MDGA2: variants seen among roughly 807,000 people sequenced by gnomAD.
MDGA2 encodes the protein MAM domain containing glycosylphosphatidylinositol anchor 2.
In MDGA2, 40 loss-of-function variants were observed where a neutral mutation model predicts 117.8. That is an observed-to-expected ratio of 0.34 (90% CI 0.26 to 0.44). MDGA2 has a LOEUF of 0.44. Among genes scored for constraint, MDGA2 ranks in the 20% least tolerant of loss-of-function variants. The pLI is 1.00. For synonymous variants in MDGA2, 452 were observed against 439.0 expected (o/e 1.03, Z -0.37); for missense variants, 1,123 against 1,250.6 (o/e 0.90, Z 1.54).
At chr14:47,574,369 T>G (rs1233534310) in intron 1 of MDGA2, among the ~76,000 whole-genome samples, 2 of 152,200 alleles carry the variant, frequency 1.3e-5, no homozygotes, top group Admixed American at 6.5e-5. Context: ...TCTCCTGGGT[T>G]CCTGGGCTTG....
intron 1 of MDGA2, among the ~76,000 whole-genome samples, chr14:47,349,959 T>A (rs1026148444): frequency 5.3e-5 from 8 of 152,192 alleles, no homozygotes; most frequent in African/African-American, 1.9e-4. Flanking sequence ...ATCAGATACA[T>A]CCATTTCTCG....
At chr14:47,524,043 C>T (rs1646400986) in intron 1 of MDGA2, among the ~76,000 whole-genome samples, 1 of 152,140 alleles carries the variant, frequency 6.6e-6, no homozygotes, top group Non-Finnish European at 1.5e-5. Context: ...TTTATTTCCT[C>T]CTCCAGTTTA....
intron 2 of MDGA2, among the ~76,000 whole-genome samples, chr14:47,256,864 G>T (rs1887637716): frequency 6.7e-6 from 1 of 149,882 alleles, no homozygotes; most frequent in South Asian, 2.1e-4. Flanking sequence ...CAGAGAGGGA[G>T]AGAGAAAGGA....
chr14:47,223,263 C>T (rs549595246), intron 2 of MDGA2, among the ~76,000 whole-genome samples: 110 of 152,202 alleles, frequency 7.2e-4, no homozygotes, highest in African/African-American at 2.2e-3. Flanking sequence ...CAAACCATAT[C>T]AACAGTGAAA....
intron 2 of MDGA2, among the ~76,000 whole-genome samples, chr14:47,254,971 T>C (rs1887568546): frequency 6.6e-6 from 1 of 152,074 alleles, no homozygotes; most frequent in Non-Finnish European, 1.5e-5. Context: ...CTTATAAGGA[T>C]TTACTGACTA....
intron 2 of MDGA2, among the ~76,000 whole-genome samples, chr14:47,290,329 T>C (rs1004806221): frequency 2.0e-5 from 3 of 151,900 alleles, no homozygotes; most frequent in Non-Finnish European, 4.4e-5. Flanking sequence ...GAGATTAAAA[T>C]AAAAAGGAGA....
intron 1 of MDGA2, among the ~76,000 whole-genome samples, chr14:47,325,840 T>C (rs1890126101): frequency 6.6e-6 from 1 of 152,064 alleles, no homozygotes; most frequent in African/African-American, 2.4e-5. Context: ...AGAGCCATAG[T>C]TGGTTTTAGA....
At chr14:47,246,015 T>C (rs959398000) in intron 2 of MDGA2, among the ~76,000 whole-genome samples, 1 of 151,982 alleles carries the variant, frequency 6.6e-6, no homozygotes, top group South Asian at 2.1e-4. Flanking sequence ...TAATGATTAG[T>C]GGAGCTGAGC....
chr14:47,586,991 A>AT (rs1566528104), intron 1 of MDGA2, among the ~76,000 whole-genome samples: 1 of 151,858 alleles, frequency 6.6e-6, no homozygotes, highest in African/African-American at 2.4e-5. Context: ...TAATTCTTGG[A>AT]TTTTTTTAGT....
At chr14:46,854,102 T>C (rs1309598381) in intron 15 of MDGA2, among the ~76,000 whole-genome samples, 1 of 151,672 alleles carries the variant, frequency 6.6e-6, no homozygotes, top group Non-Finnish European at 1.5e-5. Flanking sequence ...AATTAGAATT[T>C]ATAGATTAGA....
intron 8 of MDGA2, among the ~76,000 whole-genome samples, chr14:47,028,108 T>C (rs973897461): frequency 6.6e-6 from 1 of 152,140 alleles, no homozygotes; most frequent in Non-Finnish European, 1.5e-5. Context: ...AAAACTAAGA[T>C]TCTATGAGTC....
chr14:47,217,409 A>G (rs1181512878), intron 3 of MDGA2, among the ~76,000 whole-genome samples: 1 of 152,074 alleles, frequency 6.6e-6, no homozygotes, highest in African/African-American at 2.4e-5. Flanking sequence ...AAATATTATC[A>G]TCAAGAGCAA....
At chr14:47,241,213 C>A (rs1887027247) in intron 2 of MDGA2, among the ~76,000 whole-genome samples, 1 of 151,708 alleles carries the variant, frequency 6.6e-6, no homozygotes, top group Admixed American at 6.6e-5. Context: ...CTTAAGATGG[C>A]CTGGGGGAAG....
At chr14:46,986,795 G>A (rs917793702) in intron 8 of MDGA2, among the ~76,000 whole-genome samples, 1 of 152,080 alleles carries the variant, frequency 6.6e-6, no homozygotes, top group African/African-American at 2.4e-5. Flanking sequence ...GTAGAACTGA[G>A]TAACTTATTC....
intron 1 of MDGA2, among the ~76,000 whole-genome samples, chr14:47,561,163 G>GTTTTTTTTTTTTTTTTTT (rs1309865250): frequency 6.0e-5 from 5 of 83,884 alleles, no homozygotes; most frequent in Non-Finnish European, 7.2e-5. Flanking sequence ...GTTTTGTTTT[G>GTTTTTTTTTTTTTTTTTT]TTTTTTTGTT....
intron 15 of MDGA2, among the ~76,000 whole-genome samples, chr14:46,847,303 T>C (rs1436507844): frequency 6.6e-6 from 1 of 152,122 alleles, no homozygotes; most frequent in African/African-American, 2.4e-5. Flanking sequence ...GTTTCCTGCT[T>C]ATCTATGTTA....
At chr14:47,509,954 T>G (rs537770288) in intron 1 of MDGA2, among the ~76,000 whole-genome samples, 52 of 152,310 alleles carry the variant, frequency 3.4e-4, no homozygotes, top group African/African-American at 1.2e-3. Flanking sequence ...CTTTTAGGGC[T>G]GTGGGGATGT....
At chr14:47,104,245 C>T (rs952327327) in intron 5 of MDGA2, among the ~76,000 whole-genome samples, 6 of 152,036 alleles carry the variant, frequency 3.9e-5, no homozygotes, top group Non-Finnish European at 7.4e-5. Context: ...GTGACTTGCA[C>T]GTATATGCCC....
At chr14:47,315,944 AAAAC>A (rs1428992330) in intron 1 of MDGA2, among the ~76,000 whole-genome samples, 9 of 151,918 alleles carry the variant, frequency 5.9e-5, no homozygotes, top group Non-Finnish European at 5.9e-5. Flanking sequence ...AACAAAACAA[AAAAC>A]AAACAAAAAA....
Sources: allele counts gnomAD v4.1 joint callset (sites outside exome capture counted in the v4.1 genomes callset), GRCh38; gene constraint gnomAD v4.1.1; transcripts MANE v1.5; gene names NCBI Gene and HGNC (gene_info 2026-07-23, HGNC 2026-07-21).